TTC7B: variants seen among roughly 807,000 people sequenced by gnomAD.
TTC7B encodes tetratricopeptide repeat protein 7B.
Under a neutral mutation model 106.8 loss-of-function variants are expected in TTC7B, and 28 were observed. That is an observed-to-expected ratio of 0.26 (90% CI 0.19 to 0.36). The LOEUF (loss-of-function observed/expected upper bound fraction) is 0.36. Among genes scored for constraint, TTC7B ranks in the 10% least tolerant of loss-of-function variants. The pLI is 1.00. For synonymous variants in TTC7B, 405 were observed against 430.6 expected (o/e 0.94, Z 0.74); for missense variants, 862 against 1,076.4 (o/e 0.80, Z 2.79).
chr14:90,615,909 T>G (rs1392272946), intron 16 of TTC7B, among the ~76,000 whole-genome samples: 1 of 151,920 alleles, frequency 6.6e-6, no homozygotes, highest in Non-Finnish European at 1.5e-5. Context: ...CATCCGCCAG[T>G]CCCCACCAGA....
chr14:90,574,130 C>T (rs965371936), intron 19 of TTC7B, among the ~76,000 whole-genome samples: 1 of 152,212 alleles, frequency 6.6e-6, no homozygotes, highest in African/African-American at 2.4e-5. Flanking sequence ...ATGCTTCTCT[C>T]CTCTCCCCAC....
intron 3 of TTC7B, among the ~76,000 whole-genome samples, chr14:90,777,972 G>A (rs1891087292): frequency 6.6e-6 from 1 of 152,228 alleles, no homozygotes; most frequent in Non-Finnish European, 1.5e-5. Context: ...GATGGGCGGG[G>A]AAACAGGGGC....
chr14:90,636,139 C>G (rs1884932474), intron 15 of TTC7B, among the ~76,000 whole-genome samples: 1 of 150,324 alleles, frequency 6.7e-6, no homozygotes. Flanking sequence ...AAAAAAAGTT[C>G]AAAAAGAATG....
chr14:90,790,942 C>T (rs535568595), intron 1 of TTC7B, among the ~76,000 whole-genome samples: 25 of 152,166 alleles, frequency 1.6e-4, no homozygotes, highest in Admixed American at 4.6e-4. Flanking sequence ...CCCAGGAAAG[C>T]GGAGAGAACC....
intron 5 of TTC7B, among the ~76,000 whole-genome samples, chr14:90,714,061 C>T (rs1888551738): frequency 6.6e-6 from 1 of 152,080 alleles, no homozygotes; most frequent in African/African-American, 2.4e-5. Flanking sequence ...AACTTTGTCT[C>T]TATTAAAAAC....
intron 19 of TTC7B, among the ~76,000 whole-genome samples, chr14:90,565,399 C>CTTTTT (rs35307541): frequency 1.7e-4 from 18 of 107,604 alleles, no homozygotes; most frequent in East Asian, 2.6e-4. Context: ...TCCTTTCTAG[C>CTTTTT]TTTTTTTTTT....
In TTC7B at chr14:90,538,298, G is replaced by GAAT. The variant is rs1889469940; in HGVS notation, c.*3069_*3070insATT. The GAAT allele has an allele frequency of 2.0e-5, 3 of 151,022 alleles. No homozygotes were observed. Among genetic ancestry groups the GAAT allele is most frequent in the Admixed American group, 6.6e-5 (1 of 15,160 alleles). 9.4% of individuals were successfully genotyped at this position (151,022 alleles called of 1,614,324 possible). On this transcript the variant is annotated 3_prime_UTR_variant, in exon 20 of 20. Coordinates refer to ENST00000328459, the MANE Select transcript of TTC7B (RefSeq NM_001010854.2). ...TGGATGGATGGACGGACGGACGGAC[G>GAAT]GGTGGACGGATGAATGGATGGATGG... is the stretch of plus-strand genomic sequence containing the variant.
chr14:90,554,177 C>T (rs1258442641), intron 19 of TTC7B, among the ~76,000 whole-genome samples: 2 of 152,214 alleles, frequency 1.3e-5, no homozygotes, highest in African/African-American at 2.4e-5. Flanking sequence ...TGCTGGCAAT[C>T]GGTGGGACAT....
chr14:90,561,100 T>C (rs1428882007), intron 19 of TTC7B, among the ~76,000 whole-genome samples: 1 of 152,218 alleles, frequency 6.6e-6, no homozygotes, highest in Non-Finnish European at 1.5e-5. Flanking sequence ...TGCATCTGTG[T>C]GGTGCGGGGT....
intron 19 of TTC7B, among the ~76,000 whole-genome samples, chr14:90,542,098 C>T (rs1889623170): frequency 6.6e-6 from 1 of 152,158 alleles, no homozygotes. Flanking sequence ...CGCCACCACG[C>T]CCGGCTAATT....
At chr14:90,770,941 A>G (rs942150985) in intron 3 of TTC7B, among the ~76,000 whole-genome samples, 8 of 152,216 alleles carry the variant, frequency 5.3e-5, no homozygotes, top group African/African-American at 1.9e-4. Context: ...ACGTAAGCCA[A>G]TCACAAAAAG....
chr14:90,593,219 T>C (rs981744543), intron 18 of TTC7B, among the ~76,000 whole-genome samples: 2 of 152,172 alleles, frequency 1.3e-5, no homozygotes, highest in Non-Finnish European at 2.9e-5. Flanking sequence ...CAAGAATCCT[T>C]AGAGTCAATC....
rs115226346 is a variant in TTC7B at position 90,679,610 on chromosome 14, C to T, written c.1014+862G>A. The stretch of plus-strand genomic sequence containing the variant: ...TCCGCCTGCTCTAGGCCTCAGGTTC[C>T]TCATGTATAAAACGAGGGAAGGGGA... On this transcript the variant is annotated intron_variant, in intron 8 of 19. Coordinates refer to ENST00000328459, the MANE Select transcript of TTC7B (RefSeq NM_001010854.2). 2.2e-3 allele frequency among the ~76,000 whole-genome samples: 338 copies of T among 152,312 alleles called. 1 individual carries two copies. The highest frequency in any genetic ancestry group is 7.8e-3 in the African/African-American group (325 of 41,570).
At chr14:90,629,874 G>A (rs1259319694) in intron 15 of TTC7B, among the ~76,000 whole-genome samples, 1 of 152,188 alleles carries the variant, frequency 6.6e-6, no homozygotes, top group Non-Finnish European at 1.5e-5. Context: ...AGGCTGGGAT[G>A]CCCTGAAGGC....
In TTC7B at chr14:90,624,033, AAAAAC is replaced by A. The variant is rs926382132; in HGVS notation, c.1752-5993_1752-5989del. ...CAGACTCTGTCTCAAACAACAAAAC[AAAAAC>A]AAAACAAAACAAAACCCATGAGTGT... On this transcript the variant is annotated intron_variant, in intron 15 of 19. Transcript: ENST00000328459. This position sits in a 1 kb window ranked among gnomAD's most constrained non-coding sequence, Gnocchi z 4.0. Among the ~76,000 whole-genome samples the A allele has an allele frequency of 2.0e-5, 3 of 152,152 alleles. No homozygotes were observed. Among genetic ancestry groups the A allele is most frequent in the Admixed American group, 6.5e-5 (1 of 15,280 alleles).
intron 3 of TTC7B, among the ~76,000 whole-genome samples, chr14:90,779,449 C>T (rs1317783402): frequency 6.6e-6 from 1 of 152,132 alleles, no homozygotes; most frequent in Non-Finnish European, 1.5e-5. Context: ...GGATTACAGG[C>T]ACCTGCCACC....
intron 13 of TTC7B, among the ~76,000 whole-genome samples, chr14:90,648,060 G>T (rs1466510077): frequency 1.3e-5 from 2 of 152,172 alleles, no homozygotes; most frequent in Non-Finnish European, 2.9e-5. Context: ...ACTGTCTGCT[G>T]CAGGGAAGGG....
At chr14:90,697,127 CA>C (rs1473344149) in intron 5 of TTC7B, among the ~76,000 whole-genome samples, 1 of 152,162 alleles carries the variant, frequency 6.6e-6, no homozygotes, top group Non-Finnish European at 1.5e-5. Flanking sequence ...GTGACTGAGG[CA>C]ACATAAGTGG....
intron 5 of TTC7B, among the ~76,000 whole-genome samples, chr14:90,714,582 G>A (rs77908462): frequency 9.1e-4 from 138 of 151,544 alleles, no homozygotes; most frequent in Middle Eastern, 6.8e-3. Flanking sequence ...TCAGCCTCTC[G>A]AGTACTTGGG....
Sources: allele counts gnomAD v4.1 joint callset (sites outside exome capture counted in the v4.1 genomes callset), GRCh38; gene constraint gnomAD v4.1.1; non-coding constraint Gnocchi (gnomAD v3.1); transcripts MANE v1.5; gene names NCBI Gene and HGNC (gene_info 2026-07-23, HGNC 2026-07-21).